CCDC28A: variants seen among roughly 807,000 people sequenced by gnomAD.
CCDC28A encodes coiled-coil domain-containing protein 28A.
In CCDC28A, 24 loss-of-function variants were observed where a neutral mutation model predicts 22.1. The observed-to-expected ratio is 1.09, with a 90% CI of 0.79 to 1.53. The LOEUF is 1.53. Ranked by LOEUF, CCDC28A falls within the 40% of genes most tolerant of loss-of-function variation. The pLI is 0.00. For synonymous variants in CCDC28A, 83 were observed against 74.7 expected (o/e 1.11, Z -0.57); for missense variants, 170 against 210.7 (o/e 0.81, Z 1.20).
At chr6:138,788,253 G>T (rs1036488304) in intron 4 of CCDC28A, 113 bp from the exon 5 acceptor site, 5 of 434,414 alleles carry the variant, frequency 1.2e-5, no homozygotes, top group Non-Finnish European at 2.0e-5. Context: ...GGGTCACTGT[G>T]ACCAGCACAA....
chr6:138,774,307 C>G (rs182091354), intron 1 of CCDC28A, among the ~76,000 whole-genome samples: 1 of 152,122 alleles, frequency 6.6e-6, no homozygotes, highest in Admixed American at 6.5e-5. Context: ...TCTTGTACCA[C>G]CAAGTGTGTA....
intron 5 of CCDC28A, among the ~76,000 whole-genome samples, chr6:138,789,078 G>A (rs1189139151): frequency 6.6e-6 from 1 of 152,156 alleles, no homozygotes; most frequent in African/African-American, 2.4e-5. Context: ...TGTACTTAGT[G>A]TATTATAGGA....
chr6:138,778,731 T>C (rs1774973659), intron 2 of CCDC28A, among the ~76,000 whole-genome samples: 1 of 152,060 alleles, frequency 6.6e-6, no homozygotes, highest in Admixed American at 6.6e-5. Flanking sequence ...CTTAGGGATA[T>C]TAGATTATAT....
At chr6:138,779,182 T>C (rs547422007) in intron 2 of CCDC28A, among the ~76,000 whole-genome samples, 5 of 152,274 alleles carry the variant, frequency 3.3e-5, no homozygotes, top group African/African-American at 1.2e-4. Flanking sequence ...ATAGGGAGAC[T>C]GGTTGGGAAG....
intron 3 of CCDC28A, among the ~76,000 whole-genome samples, chr6:138,782,190 C>A (rs1219150712): frequency 6.6e-6 from 1 of 152,084 alleles, no homozygotes. Flanking sequence ...GATTGAAGTC[C>A]TTTCTTGTCT....
chr6:138,785,859 T>C (rs1174879344), intron 4 of CCDC28A, among the ~76,000 whole-genome samples: 3 of 152,206 alleles, frequency 2.0e-5, no homozygotes, highest in East Asian at 1.9e-4. Flanking sequence ...ATATAGAAGA[T>C]AGTGGTGAAA....
chr6:138,785,755 G>A (rs1246573112), intron 4 of CCDC28A, among the ~76,000 whole-genome samples: 3 of 151,820 alleles, frequency 2.0e-5, no homozygotes, highest in East Asian at 1.9e-4. Context: ...CAAAGTTATC[G>A]TATTTACATC....
intron 3 of CCDC28A, among the ~76,000 whole-genome samples, chr6:138,781,701 T>C (rs1339037743): frequency 6.6e-6 from 1 of 152,206 alleles, no homozygotes; most frequent in East Asian, 1.9e-4. Flanking sequence ...TTCAGGACCT[T>C]TTGTCAGTTT....
intron 4 of CCDC28A, among the ~76,000 whole-genome samples, chr6:138,786,737 C>T: frequency 6.6e-6 from 1 of 152,068 alleles, no homozygotes; most frequent in East Asian, 1.9e-4. Flanking sequence ...GCCTCAGCAC[C>T]CCCAAGTAGC....
At chr6:138,792,147 G>A (rs1419564178) in intron 5 of CCDC28A, among the ~76,000 whole-genome samples, 2 of 152,160 alleles carry the variant, frequency 1.3e-5, no homozygotes, top group African/African-American at 4.8e-5. Context: ...ATAAAGTGGT[G>A]TCTTCTCAAA....
In CCDC28A at chr6:138,788,398, GTC is replaced by G; in HGVS notation, c.500+12_500+13del. On this transcript the variant is annotated intron_variant, in intron 5 of 5. Transcript: ENST00000617445. ...AATTGAATTCTTCCATGTATCCTTTGTCTGCTATCAACAGTGAAAAGTTTACA... is the reference window on the plus strand; with the variant it reads ...AATTGAATTCTTCCATGTATCCTTTGTGCTATCAACAGTGAAAAGTTTACA... The G allele has an allele frequency of 8.0e-7, 1 of 1,248,288 alleles. No homozygotes were observed. 77.3% of individuals were successfully genotyped at this position (1,248,288 alleles called of 1,614,324 possible).
At chr6:138,778,846 C>A (rs371276433) in intron 2 of CCDC28A, among the ~76,000 whole-genome samples, 2 of 151,722 alleles carry the variant, frequency 1.3e-5, no homozygotes, top group East Asian at 3.9e-4. Context: ...CAACTCACTG[C>A]AACCTCCACC....
intron 1 of CCDC28A, among the ~76,000 whole-genome samples, chr6:138,775,196 T>C (rs932094231): frequency 2.0e-5 from 3 of 152,160 alleles, no homozygotes; most frequent in Non-Finnish European, 4.4e-5. Context: ...GCCTTGGCCT[T>C]CCAAAGTGCT....
chr6:138,792,892 C>A lies in CCDC28A; in HGVS notation c.*89C>A. The A allele has an allele frequency of 1.2e-6, 1 of 827,600 alleles. No homozygotes were observed. Among genetic ancestry groups the A allele is most frequent in the Admixed American group, 2.1e-5 (1 of 47,078 alleles). 51.3% of individuals were successfully genotyped at this position (827,600 alleles called of 1,614,324 possible). A position where few individuals can be genotyped will look rare whatever the true frequency, so the allele number is the denominator to read the frequency against. On this transcript the variant is annotated 3_prime_UTR_variant, in exon 6 of 6. Coordinates refer to ENST00000617445, the MANE Select transcript of CCDC28A (RefSeq NM_015439.3). ...AATCCAGTAGCAGAATCATCTTCCA[C>A]AACAAGGAATTAAAGTAATTAAAGT...
At chr6:138,777,226 C>G (rs1355369033) in intron 2 of CCDC28A, among the ~76,000 whole-genome samples, 1 of 152,152 alleles carries the variant, frequency 6.6e-6, no homozygotes, top group Non-Finnish European at 1.5e-5. Context: ...GGGTTTACAC[C>G]TAATAAAAGA....
chr6:138,778,930 G>A (rs1419792155), intron 2 of CCDC28A, among the ~76,000 whole-genome samples: 1 of 152,066 alleles, frequency 6.6e-6, no homozygotes, highest in Non-Finnish European at 1.5e-5. Context: ...ACCACACCAG[G>A]CTAATTTTTG....
At chr6:138,792,207 T>C (rs867838440) in intron 5 of CCDC28A, among the ~76,000 whole-genome samples, 6 of 152,290 alleles carry the variant, frequency 3.9e-5, no homozygotes, top group Middle Eastern at 6.8e-3. Flanking sequence ...ATCAGCTCCT[T>C]ACTATGAAAA....
rs1409789252 is a variant in CCDC28A, at chr6:138,788,319, A to G, written c.478-47A>G. 8 of 687,786 alleles carry G rather than the reference A, an allele frequency of 1.2e-5. No homozygotes were observed. In the Admixed American group the frequency reaches 2.3e-4, roughly 20 times the overall value. 42.6% of individuals were successfully genotyped at this position (687,786 alleles called of 1,614,324 possible). ...AAAGAAATAGTTAACAACTATTTAT[A>G]TTGATCTTATAAAAATTAAAAATAA... On this transcript the variant is annotated intron_variant, in intron 4 of 5. Coordinates refer to ENST00000617445, the MANE Select transcript of CCDC28A (RefSeq NM_015439.3).
At chr6:138,773,969 C>G (rs779851724) in intron 1 of CCDC28A, 67 bp downstream of exon 1, 9 of 1,569,722 alleles carry the variant, frequency 5.7e-6, no homozygotes, top group Non-Finnish European at 7.8e-6. Flanking sequence ...ACTCTGGTCA[C>G]TGCTGGGTAC....
Sources: gnomAD v4.1 joint callset for allele counts (sites outside exome capture counted in the v4.1 genomes callset) on GRCh38, gnomAD v4.1.1 for gene constraint, MANE v1.5 for transcripts, NCBI Gene and HGNC (gene_info 2026-07-23, HGNC 2026-07-21) for gene names.